Variants in CASP8 observed in about 807,000 individuals in gnomAD.
The protein encoded by CASP8 is caspase-8.
In CASP8, 24 loss-of-function variants were observed where a neutral mutation model predicts 46.3. The observed-to-expected ratio is 0.52, with a 90% CI of 0.38 to 0.73. CASP8 has a LOEUF of 0.73. Among genes scored for constraint, CASP8 ranks in the 30% least tolerant of loss-of-function variants. The pLI, the probability that CASP8 is intolerant of heterozygous loss-of-function variation, is 0.00. For synonymous variants in CASP8, 188 were observed against 200.4 expected (o/e 0.94, Z 0.52); for missense variants, 460 against 559.0 (o/e 0.82, Z 1.79).
At chr2:201,284,545 C>T (rs1362551434) in intron 7 of CASP8, among the ~76,000 whole-genome samples, 13 of 68,172 alleles carry the variant, frequency 1.9e-4, no homozygotes, top group Non-Finnish European at 2.3e-4. Context: ...GGCGTGGCGG[C>T]GCGCGCCTGC....
chr2:201,258,233 T>A (rs3769824), upstream of CASP8: 1 of 1,606,916 alleles, frequency 6.2e-7, no homozygotes, highest in African/African-American at 1.3e-5. Flanking sequence ...AGTGAGGCCA[T>A]GGAGGGAGGC....
rs2125489349 is a variant in CASP8 at position 201,285,225 on chromosome 2, C to T, written c.1212C>T (p.Ala404=). The T allele has an allele frequency of 6.2e-7, 1 of 1,614,160 alleles. No individual in the cohort carries two copies. ...PDEADFLLGM[A]TVNNCVSYRN... is the part of the protein sequence containing the mutation. ...AGGCTGACTTTCTGCTGGGGATGGC[C>T]ACTGTGAATAACTGTGTTTCCTACC... is the stretch of plus-strand genomic sequence containing the variant. Residue 404 remains alanine, a synonymous_variant, in exon 8 of 9, where the codon GCC becomes GCT. Transcript: ENST00000673742.
intron 2 of CASP8, among the ~76,000 whole-genome samples, chr2:201,238,446 CT>C (rs11395715): frequency 9.4e-5 from 14 of 149,540 alleles, no homozygotes; most frequent in Non-Finnish European, 1.0e-4. Context: ...TTTTTTCTTT[CT>C]TTTTTTTTTC....
At chr2:201,239,509 T>A (rs1946212992) in intron 2 of CASP8, among the ~76,000 whole-genome samples, 1 of 152,270 alleles carries the variant, frequency 6.6e-6, no homozygotes, top group South Asian at 2.1e-4. Flanking sequence ...TTGGTTGTTG[T>A]TGGCTTATTT....
chr2:201,239,407 A>G lies in CASP8; in HGVS notation c.-27+5295A>G, dbSNP rs548850030. Among the ~76,000 whole-genome samples, 170 of 152,058 alleles carry G rather than the reference A, an allele frequency of 1.1e-3. 1 individual carries two copies. Among genetic ancestry groups the G allele is most frequent in the African/African-American group, 3.7e-3 (154 of 41,470 alleles). On this transcript the variant is annotated intron_variant, in intron 2 of 6. Transcript: ENST00000264274. ...TGGCCGGGCGGGGGGCTGACCCCCC[A>G]CCTCCCTCCCGGACGGGGCGGCTTC...
At chr2:201,251,395 C>T (rs1256428329) in intron 2 of CASP8, among the ~76,000 whole-genome samples, 2 of 151,556 alleles carry the variant, frequency 1.3e-5, no homozygotes, top group Admixed American at 6.6e-5. Context: ...AGTTTAAGAC[C>T]AGTCTGGCTA....
chr2:201,258,144 T>G, upstream of CASP8: 2 of 1,444,036 alleles, frequency 1.4e-6, no homozygotes, highest in South Asian at 2.3e-5. Context: ...TGGAGGGAAG[T>G]GTTTTCACAG....
In CASP8 at chr2:201,286,769, C is replaced by T. The variant is rs2141331; in HGVS notation, c.*175C>T. 53,899 of 545,036 alleles carry T rather than the reference C, an allele frequency of 0.099. 3,404 individuals carry two copies. Among genetic ancestry groups the T allele is most frequent in the African/African-American group, 0.22 (11,311 of 52,164 alleles). 33.8% of individuals were successfully genotyped at this position (545,036 alleles called of 1,614,324 possible). On this transcript the variant is annotated 3_prime_UTR_variant, in exon 9 of 9. Coordinates refer to ENST00000673742, the MANE Select transcript of CASP8 (RefSeq NM_001372051.1). ...TAGCTGGGACTACAGGGGCCCGCCACCACACCTGGCTAATTTTTTAAAAAT... is the reference window on the plus strand; with the variant it reads ...TAGCTGGGACTACAGGGGCCCGCCATCACACCTGGCTAATTTTTTAAAAAT...
At chr2:201,250,569 C>T (rs1301711044) in intron 2 of CASP8, among the ~76,000 whole-genome samples, 1 of 152,188 alleles carries the variant, frequency 6.6e-6, no homozygotes, top group Admixed American at 6.5e-5. Flanking sequence ...ACCAGAATAT[C>T]ATGAGAATTC....
At chr2:201,259,808 C>T (rs1947257112), upstream of CASP8, among the ~76,000 whole-genome samples, 1 of 151,940 alleles carries the variant, frequency 6.6e-6, no homozygotes, top group African/African-American at 2.4e-5. Flanking sequence ...GTTTCCTCAG[C>T]TACACTCATA....
chr2:201,236,732 G>A (rs894035142), intron 2 of CASP8, among the ~76,000 whole-genome samples: 2 of 151,942 alleles, frequency 1.3e-5, no homozygotes, highest in Admixed American at 6.6e-5. Context: ...CCCCATCTGC[G>A]AGTAGCTGGA....
intron 7 of CASP8, among the ~76,000 whole-genome samples, chr2:201,282,873 T>A: frequency 1.5e-5 from 1 of 67,262 alleles, no homozygotes; most frequent in Non-Finnish European, 3.6e-5. Context: ...GAGGGGCTCC[T>A]CACTTCCCAG....
intron 1 of CASP8, among the ~76,000 whole-genome samples, chr2:201,263,477 A>G (rs1007109560): frequency 6.6e-6 from 1 of 152,252 alleles, no homozygotes; most frequent in Non-Finnish European, 1.5e-5. Context: ...TGATGTGTTC[A>G]AATATAAGGA....
At chr2:201,247,794 G>A (rs924388547) in intron 2 of CASP8, among the ~76,000 whole-genome samples, 5 of 152,086 alleles carry the variant, frequency 3.3e-5, no homozygotes, top group African/African-American at 9.7e-5. Flanking sequence ...ACAGGTGCCC[G>A]CCACCACACC....
At chr2:201,242,275 A>G (rs1317424557) in intron 2 of CASP8, 1 of 152,220 alleles carries the variant, frequency 6.6e-6, no homozygotes, top group Non-Finnish European at 1.5e-5. Context: ...TCAGCCTGCT[A>G]AAACAAAATA....
At chr2:201,251,724 G>A (rs1374930062) in intron 2 of CASP8, among the ~76,000 whole-genome samples, 1 of 151,084 alleles carries the variant, frequency 6.6e-6, no homozygotes, top group Non-Finnish European at 1.5e-5. Flanking sequence ...CCAACATGGT[G>A]AAACCCTGTC....
chr2:201,257,598 A>T (rs1330546912), upstream of CASP8, among the ~76,000 whole-genome samples: 1 of 152,150 alleles, frequency 6.6e-6, no homozygotes, highest in African/African-American at 2.4e-5. Context: ...GGTTACAACT[A>T]AACTGGAGAA....
chr2:201,279,142 G>A (rs896463360), intron 7 of CASP8, among the ~76,000 whole-genome samples: 2 of 152,206 alleles, frequency 1.3e-5, no homozygotes, highest in African/African-American at 2.4e-5. Flanking sequence ...GAGGCAATGA[G>A]CAGAAAACAG....
At chr2:201,258,525 C>T (rs1437214179), upstream of CASP8, 3 of 943,714 alleles carry the variant, frequency 3.2e-6, no homozygotes, top group Non-Finnish European at 5.0e-6. Context: ...GCTGCCTGGC[C>T]CAGGTCTCCT....
Sources: allele counts gnomAD v4.1 joint callset (sites outside exome capture counted in the v4.1 genomes callset), GRCh38; gene constraint gnomAD v4.1.1; transcripts MANE v1.5; gene names NCBI Gene and HGNC (gene_info 2026-07-23, HGNC 2026-07-21).